The following TMTC1 variants were observed in gnomAD, a reference collection of about 807,000 sequenced individuals.
The protein encoded by TMTC1 is transmembrane O-mannosyltransferase targeting cadherins 1.
Under a neutral mutation model 104.8 loss-of-function variants are expected in TMTC1, and 73 were observed. The observed-to-expected ratio is 0.70, with a 90% confidence interval of 0.58 to 0.85. The LOEUF is 0.85. Ranked by LOEUF, TMTC1 falls within the 40% of genes least tolerant of loss-of-function variation. The pLI is 0.00. For missense variants in TMTC1, 1,035 were observed against 1,096.1 expected (o/e 0.94, Z 0.79); for synonymous variants, 434 against 428.7 (o/e 1.01, Z -0.15).
intron 6 of TMTC1, chr12:29,614,089 T>C: frequency 5.7e-6 from 1 of 176,426 alleles, no homozygotes; most frequent in Admixed American, 6.5e-5. Flanking sequence ...CATCCTACTT[T>C]ATCAAACTAC....
At position 29,512,105 on chromosome 12, in the gene TMTC1, C is replaced by G. The variant is rs1424825622; in HGVS notation, c.2446G>C (p.Val816Leu). The stretch of plus-strand genomic sequence containing the variant: ...TGTGCTTGGTCTGGGTTTAGTTGCA[C>G]AGCCACTCTATAGCTCTAAATAAAT... ...DKAFESYRVA[V>L]QLNPDQAQAW... is the part of the protein sequence containing the mutation. The change falls in exon 17 of 18, where the codon GTG becomes CTG. Residue 816 changes from valine to leucine, a missense_variant. By Grantham distance (32) the Val-to-Leu change is conservative (BLOSUM62 1). Transcript: ENST00000539277. 1 of 1,613,834 alleles carries G rather than the reference C, an allele frequency of 6.2e-7. No homozygotes were observed. Among genetic ancestry groups the G allele is most frequent in the East Asian group, 2.2e-5 (1 of 44,862 alleles).
At chr12:29,737,455 G>A (rs1019199179) in intron 5 of TMTC1, among the ~76,000 whole-genome samples, 1 of 152,056 alleles carries the variant, frequency 6.6e-6, no homozygotes, top group Non-Finnish European at 1.5e-5. Context: ...CGGGGGTTGC[G>A]GTGAGCCCAG....
chr12:29,582,618 T>C (rs2093512804), intron 8 of TMTC1, among the ~76,000 whole-genome samples: 2 of 152,234 alleles, frequency 1.3e-5, no homozygotes, highest in South Asian at 4.1e-4. Context: ...CCCTTAATTC[T>C]GTATGCCTTC....
chr12:29,682,864 T>A (rs1286763920), intron 5 of TMTC1, among the ~76,000 whole-genome samples: 1 of 152,144 alleles, frequency 6.6e-6, no homozygotes, highest in Non-Finnish European at 1.5e-5. Context: ...ACAGATATGA[T>A]AAAATGGCAT....
intron 6 of TMTC1, among the ~76,000 whole-genome samples, chr12:29,627,820 A>G (rs1938083004): frequency 6.6e-6 from 1 of 152,240 alleles, no homozygotes; most frequent in Admixed American, 6.5e-5. Context: ...TTACTTGAAT[A>G]TAAGTTCATA....
chr12:29,724,697 A>G (rs991513031), intron 5 of TMTC1, among the ~76,000 whole-genome samples: 1 of 152,228 alleles, frequency 6.6e-6, no homozygotes, highest in Non-Finnish European at 1.5e-5. Flanking sequence ...ACATATATGT[A>G]TCATATAGGA....
In TMTC1 at chr12:29,679,048, T is replaced by C. The variant is rs551798137; in HGVS notation, c.939-45712A>G. 2.6e-5 allele frequency among the ~76,000 whole-genome samples: 4 copies of C among 152,310 alleles called. No individual in the cohort carries two copies. In the East Asian group the frequency reaches 5.8e-4, roughly 22 times the overall value. On this transcript the variant is annotated intron_variant, in intron 5 of 17. Transcript: ENST00000539277. ...AAAAAACCTGGATACAACCTAAATATCTAATATAGGTGAATAGCTAAATAA... is the reference window on the plus strand; with the variant it reads ...AAAAAACCTGGATACAACCTAAATACCTAATATAGGTGAATAGCTAAATAA...
intron 5 of TMTC1, among the ~76,000 whole-genome samples, chr12:29,703,654 C>G (rs901181371): frequency 3.9e-5 from 6 of 152,156 alleles, no homozygotes; most frequent in Non-Finnish European, 8.8e-5. Context: ...GCAACTTATT[C>G]CAGTGAGAAG....
Position 29,520,606 on chromosome 12 carries a change from A to T in TMTC1, c.1888+12T>A. On this transcript the variant is annotated intron_variant, in intron 12 of 17. Transcript: ENST00000539277. The stretch of plus-strand genomic sequence containing the variant: ...AATCTCAGCAGTACAGTTTCTCTTT[A>T]ATTTCACTTACCAGTATCAACTAAG... The T allele has an allele frequency of 6.3e-7, 1 of 1,597,792 alleles. No homozygotes were observed. Among genetic ancestry groups the T allele is most frequent in the Admixed American group, 1.7e-5 (1 of 58,898 alleles).
intron 5 of TMTC1, among the ~76,000 whole-genome samples, chr12:29,743,703 T>A (rs1942883249): frequency 1.3e-5 from 2 of 152,020 alleles, no homozygotes; most frequent in African/African-American, 4.8e-5. Context: ...CATGAAAAAA[T>A]TATTTATATA....
intron 17 of TMTC1, among the ~76,000 whole-genome samples, chr12:29,508,974 A>G (rs1337399779): frequency 6.6e-6 from 1 of 152,258 alleles, no homozygotes; most frequent in East Asian, 1.9e-4. Flanking sequence ...CAGTTTCCAG[A>G]ACTGTGTTCA....
At chr12:29,656,766 GTA>G (rs746269393) in intron 5 of TMTC1, among the ~76,000 whole-genome samples, 1 of 151,976 alleles carries the variant, frequency 6.6e-6, no homozygotes, top group African/African-American at 2.4e-5. Context: ...CCTTTGAAAA[GTA>G]TATATATATG....
rs1555187152 is a variant in TMTC1 at position 29,686,983 on chromosome 12, A to AT, written c.939-53648dup. On this transcript the variant is annotated intron_variant, in intron 5 of 17. Transcript: ENST00000539277. Reference sequence around the variant, plus strand: ...TTTAATACATATGAGTCTATTTTTTATTAAAAAAATGAGTGAAAGGAAAAA... The same window carrying AT: ...TTTAATACATATGAGTCTATTTTTTATTTAAAAAAATGAGTGAAAGGAAAAA... Among the ~76,000 whole-genome samples the AT allele has an allele frequency of 3.9e-3, 573 of 147,982 alleles. 4 individuals carry two copies. The highest frequency in any genetic ancestry group is 7.0e-3 in the Middle Eastern group (2 of 286).
chr12:29,654,777 T>C (rs1209932375), intron 5 of TMTC1, among the ~76,000 whole-genome samples: 1 of 151,504 alleles, frequency 6.6e-6, no homozygotes, highest in Non-Finnish European at 1.5e-5. Flanking sequence ...TACTGGGGAA[T>C]AAAAAGGAAT....
intron 10 of TMTC1, among the ~76,000 whole-genome samples, chr12:29,541,694 T>C (rs896125102): frequency 1.4e-5 from 2 of 147,710 alleles, no homozygotes; most frequent in Admixed American, 6.8e-5. Flanking sequence ...AGTCTTGCTC[T>C]GTCGCCCAGG....
chr12:29,652,993 C>G (rs927047403), intron 5 of TMTC1, among the ~76,000 whole-genome samples: 8 of 152,038 alleles, frequency 5.3e-5, no homozygotes, highest in Non-Finnish European at 5.9e-5. Flanking sequence ...ACCCAGAAGA[C>G]AGAGGTTGCA....
chr12:29,559,287 T>C (rs183975020), intron 9 of TMTC1, among the ~76,000 whole-genome samples: 19 of 152,290 alleles, frequency 1.2e-4, no homozygotes, highest in African/African-American at 4.3e-4. Flanking sequence ...GGCTCACCCA[T>C]GTAAGGTGCC....
intron 5 of TMTC1, among the ~76,000 whole-genome samples, chr12:29,725,219 G>A (rs1267261642): frequency 6.6e-6 from 1 of 151,382 alleles, no homozygotes; most frequent in Non-Finnish European, 1.5e-5. Context: ...AGAGATGGGG[G>A]TTTCACCATG....
At chr12:29,660,486 T>C (rs1288113020) in intron 5 of TMTC1, among the ~76,000 whole-genome samples, 2 of 152,140 alleles carry the variant, frequency 1.3e-5, no homozygotes, top group East Asian at 3.9e-4. Context: ...TATGCAGCAA[T>C]AGACAACTGA....
Sources: gnomAD v4.1 joint callset for allele counts (sites outside exome capture counted in the v4.1 genomes callset) on GRCh38, gnomAD v4.1.1 for gene constraint, MANE v1.5 for transcripts, NCBI Gene and HGNC (gene_info 2026-07-23, HGNC 2026-07-21) for gene names.